Variants in CACNA1S observed in about 807,000 individuals in gnomAD.
CACNA1S encodes the protein voltage-dependent L-type calcium channel subunit alpha-1S.
CACNA1S carries 126 observed loss-of-function variants against 207.4 expected under a neutral mutation model. That is an observed-to-expected ratio of 0.61 (90% CI 0.53 to 0.70). The LOEUF is 0.70. Ranked by LOEUF, CACNA1S falls within the 30% of genes least tolerant of loss-of-function variation. The probability of loss-of-function intolerance (pLI) is 0.00; values close to 1 mark genes in which losing one functional copy is unlikely to be tolerated. For synonymous variants in CACNA1S, 960 were observed against 932.7 expected (o/e 1.03, Z -0.53); for missense variants, 2,349 against 2,422.8 (o/e 0.97, Z 0.64).
At chr1:201,081,855 C>T (rs963634224) in intron 10 of CACNA1S, among the ~76,000 whole-genome samples, 30 of 152,174 alleles carry the variant, frequency 2.0e-4, no homozygotes, top group African/African-American at 7.2e-4. Flanking sequence ...CTCTCTCTTG[C>T]TCCTGCTTTC....
At position 201,039,975 on chromosome 1, in the gene CACNA1S, C is replaced by A; in HGVS notation, c.5478G>T (p.Glu1826Asp). Reference sequence around the variant, plus strand: ...CTTTCAGTAGCTCTGTTGCCATGATCTCCACTTCCTCTGGTTCCATTTGGC... The same window carrying A: ...CTTTCAGTAGCTCTGTTGCCATGATATCCACTTCCTCTGGTTCCATTTGGC... ...DACQMEPEEV[E>D]IMATELLKGR... Residue 1826 changes from glutamate (E) to aspartate (D), a missense_variant, in exon 44 of 44, where the codon GAG (glutamate) becomes GAT (aspartate). Glu to Asp is a conservative substitution (Grantham distance 45). Transcript: ENST00000362061. 6.2e-7 allele frequency: 1 copy of A among 1,614,246 alleles called. No homozygotes were observed.
chr1:201,111,046 G>A (rs184837031), intron 1 of CACNA1S, among the ~76,000 whole-genome samples: 272 of 152,342 alleles, frequency 1.8e-3, no homozygotes, highest in Non-Finnish European at 3.1e-3. Context: ...TGAGAAAAGA[G>A]GAGGGCCACA....
At chr1:201,100,352 T>C (rs185445788) in intron 2 of CACNA1S, among the ~76,000 whole-genome samples, 2 of 152,340 alleles carry the variant, frequency 1.3e-5, no homozygotes, top group Non-Finnish European at 2.9e-5. Flanking sequence ...CGGCCTGATG[T>C]GCTGGCCTCT....
chr1:201,106,690 A>G (rs945792862), intron 2 of CACNA1S, among the ~76,000 whole-genome samples: 5 of 151,776 alleles, frequency 3.3e-5, no homozygotes, highest in African/African-American at 9.7e-5. Flanking sequence ...CCTCCTCCTA[A>G]TCTTCCCCCT....
intron 33 of CACNA1S, 98 bp from the exon 34 acceptor site, chr1:201,050,614 G>A (rs1476189828): frequency 1.1e-5 from 16 of 1,396,168 alleles, no homozygotes; most frequent in South Asian, 3.5e-5. Flanking sequence ...ACAACTTCTC[G>A]CTTCCTGTGC....
At chr1:201,104,598 G>A (rs1353546626) in intron 2 of CACNA1S, among the ~76,000 whole-genome samples, 5 of 152,100 alleles carry the variant, frequency 3.3e-5, no homozygotes, top group African/African-American at 7.2e-5. Flanking sequence ...AGCTTCACAC[G>A]CCTGCTTGTT....
intron 2 of CACNA1S, among the ~76,000 whole-genome samples, chr1:201,101,267 C>G (rs1280947045): frequency 1.3e-5 from 2 of 152,194 alleles, no homozygotes; most frequent in African/African-American, 4.8e-5. Context: ...GACCTTTCCA[C>G]ACAGGAGGTT....
At chr1:201,068,675 A>AT (rs1239751200) in intron 19 of CACNA1S, among the ~76,000 whole-genome samples, 1 of 151,912 alleles carries the variant, frequency 6.6e-6, no homozygotes, top group East Asian at 2.0e-4. Context: ...TATCAAGACC[A>AT]TCCCAGCCAA....
In CACNA1S at chr1:201,100,037, A is replaced by G. The variant is rs149160929; in HGVS notation, c.259-6016T>C. Reference sequence around the variant, plus strand: ...GGACCTATAACCCTGTCACCTGCACACTGCCTGAGACCCAGGGCCTGGGCA... The same window carrying G: ...GGACCTATAACCCTGTCACCTGCACGCTGCCTGAGACCCAGGGCCTGGGCA... On this transcript the variant is annotated intron_variant, in intron 2 of 43. Transcript: ENST00000362061. 4.1e-3 allele frequency among the ~76,000 whole-genome samples: 630 copies of G among 152,280 alleles called. 4 individuals are homozygous for G. The highest frequency in any genetic ancestry group is 0.014 in the African/African-American group (594 of 41,558).
rs2102535845 is a variant in CACNA1S, at chr1:201,040,020, G to A, written c.5433C>T (p.Gly1811=). ...AADANFIMAT[G]QALADACQME... The stretch of plus-strand genomic sequence containing the variant: ...TTTGGCAGGCATCTGCCAGGGCCTG[G>A]CCTGTTGCCATGATGAAGTTTGCAT... The change falls in exon 44 of 44, where the codon GGC becomes GGT. Residue 1811 remains glycine, a synonymous_variant. Transcript: ENST00000362061. 1 of 1,614,082 alleles carries A rather than the reference G, an allele frequency of 6.2e-7. No homozygotes were observed. Among genetic ancestry groups the A allele is most frequent in the South Asian group, 1.1e-5 (1 of 91,084 alleles).
intron 7 of CACNA1S, among the ~76,000 whole-genome samples, chr1:201,085,931 C>G (rs1353204585): frequency 1.3e-5 from 2 of 152,198 alleles, no homozygotes; most frequent in African/African-American, 4.8e-5. Flanking sequence ...AGCCACGGAG[C>G]CTCAAATTGG....
At chr1:201,091,495 C>T in intron 5 of CACNA1S, 145 bp downstream of exon 5, 5 of 925,520 alleles carry the variant, frequency 5.4e-6, no homozygotes, top group South Asian at 4.0e-5. Flanking sequence ...TCCAAGTCCC[C>T]CTTATCCAGG....
intron 35 of CACNA1S, 81 bp downstream of exon 35, chr1:201,048,922 C>G (rs1660561426): frequency 8.7e-7 from 1 of 1,144,548 alleles, no homozygotes; most frequent in Non-Finnish European, 1.3e-6. Context: ...TGCTTCACTC[C>G]ATCAGGTCCT....
intron 32 of CACNA1S, 146 bp downstream of exon 32, chr1:201,052,411 G>A (rs2102560369): frequency 7.4e-6 from 5 of 677,072 alleles, no homozygotes; most frequent in Non-Finnish European, 1.4e-5. Context: ...ATGCAACCAA[G>A]CAGGGGACCC....
At chr1:201,104,106 T>C (rs1212194086) in intron 2 of CACNA1S, among the ~76,000 whole-genome samples, 1 of 152,254 alleles carries the variant, frequency 6.6e-6, no homozygotes, top group Admixed American at 6.5e-5. Context: ...CTTTGTAATA[T>C]CATGTTGGAG....
chr1:201,060,566 G>A (rs1661007083), intron 26 of CACNA1S, 92 bp downstream of exon 26: 1 of 1,351,146 alleles, frequency 7.4e-7, no homozygotes. Flanking sequence ...GTCTACTGGG[G>A]GGAATCCTGG....
At chr1:201,109,739 G>A (rs756398065) in intron 2 of CACNA1S, among the ~76,000 whole-genome samples, 8 of 152,166 alleles carry the variant, frequency 5.3e-5, no homozygotes, top group Non-Finnish European at 8.8e-5. Context: ...TCCCATGAAG[G>A]CAAACTTAGT....
intron 10 of CACNA1S, among the ~76,000 whole-genome samples, chr1:201,080,738 T>C (rs1212733415): frequency 6.6e-6 from 1 of 152,132 alleles, no homozygotes; most frequent in Non-Finnish European, 1.5e-5. Flanking sequence ...TGCAGTTTTT[T>C]TTTGTTGTTG....
At chr1:201,104,556 A>G (rs946470104) in intron 2 of CACNA1S, among the ~76,000 whole-genome samples, 1 of 152,260 alleles carries the variant, frequency 6.6e-6, no homozygotes, top group Non-Finnish European at 1.5e-5. Flanking sequence ...CTCCGGTGTC[A>G]TAACTTCTGC....
Sources: gnomAD v4.1 joint callset for allele counts (sites outside exome capture counted in the v4.1 genomes callset) on GRCh38, gnomAD v4.1.1 for gene constraint, MANE v1.5 for transcripts, NCBI Gene and HGNC (gene_info 2026-07-23, HGNC 2026-07-21) for gene names.